MYT1L: variants seen among roughly 807,000 people sequenced by gnomAD.
MYT1L encodes the protein myelin transcription factor 1-like protein.
A neutral mutation model predicts 126.7 loss-of-function variants in MYT1L; 12 were observed. The observed-to-expected ratio is 0.09, with a 90% CI of 0.06 to 0.15. The LOEUF (loss-of-function observed/expected upper bound fraction) is 0.15, where lower values mean the gene tolerates loss of function less well. MYT1L is among the 10% of genes least tolerant of loss of function. The probability of loss-of-function intolerance (pLI) is 1.00; values close to 1 mark genes in which losing one functional copy is unlikely to be tolerated. For synonymous variants in MYT1L, 541 were observed against 604.2 expected, an observed-to-expected ratio of 0.90 and a Z score of 1.53; for missense variants, 979 against 1,585.2, an observed-to-expected ratio of 0.62 and a Z score of 6.49.
rs186447581 is a variant in MYT1L, at chr2:2,263,052, A to C, written c.-421+21352T>G. On this transcript the variant is annotated intron_variant, in intron 2 of 24. Coordinates refer to ENST00000647738, the MANE Select transcript of MYT1L (RefSeq NM_001303052.2). ...TCCCAAAAGGCAGGGCAAAAAACAC[A>C]AACAAAATTTCCAGATATAAAACAC... 2.3e-4 allele frequency among the ~76,000 whole-genome samples: 35 copies of C among 149,674 alleles called. No homozygotes were observed. In the East Asian group the frequency reaches 5.4e-3, roughly 23 times the overall value.
chr2:2,196,510 A>G (rs746654191), intron 2 of MYT1L, among the ~76,000 whole-genome samples: 1 of 151,434 alleles, frequency 6.6e-6, no homozygotes, highest in Non-Finnish European at 1.5e-5. Context: ...TAAAAATTAC[A>G]TTCAATATAT....
intron 21 of MYT1L, among the ~76,000 whole-genome samples, chr2:1,831,044 CTG>C (rs772204324): frequency 4.8e-4 from 73 of 152,356 alleles, no homozygotes; most frequent in Admixed American, 1.9e-3. Flanking sequence ...CTCCAATTCC[CTG>C]TGTGTCCTTG....
intron 3 of MYT1L, among the ~76,000 whole-genome samples, chr2:2,057,910 C>G (rs576210218): frequency 6.6e-6 from 1 of 152,276 alleles, no homozygotes; most frequent in African/African-American, 2.4e-5. Context: ...GATGTGTGTG[C>G]AGGTTTTACT....
chr2:1,920,484 C>T (rs1245409939), intron 10 of MYT1L, among the ~76,000 whole-genome samples: 1 of 152,162 alleles, frequency 6.6e-6, no homozygotes, highest in Non-Finnish European at 1.5e-5. Context: ...GATTTAGGAT[C>T]CGGGAGTCTA....
chr2:1,869,194 C>T (rs1366449169), intron 18 of MYT1L, among the ~76,000 whole-genome samples: 2 of 145,944 alleles, frequency 1.4e-5, no homozygotes, highest in Non-Finnish European at 3.0e-5. Context: ...AGAGACAAAG[C>T]ACACAGTCCC....
chr2:1,873,570 G>C (rs1052983264), intron 18 of MYT1L, among the ~76,000 whole-genome samples: 2 of 152,094 alleles, frequency 1.3e-5, no homozygotes, highest in Admixed American at 6.5e-5. Context: ...TAATAAGAAT[G>C]ACTGAGATTT....
At chr2:2,093,456 T>A (rs564490256) in intron 3 of MYT1L, among the ~76,000 whole-genome samples, 1 of 152,354 alleles carries the variant, frequency 6.6e-6, no homozygotes, top group South Asian at 2.1e-4. Flanking sequence ...ATGAGCATTT[T>A]TTCATGTGTC....
chr2:2,294,204 C>T (rs927193839), intron 1 of MYT1L, among the ~76,000 whole-genome samples: 1 of 152,212 alleles, frequency 6.6e-6, no homozygotes, highest in African/African-American at 2.4e-5. Context: ...GTTAGCGACT[C>T]ACGGGCGGTG....
At chr2:1,812,339 T>C (rs139851410) in intron 21 of MYT1L, among the ~76,000 whole-genome samples, 1 of 152,378 alleles carries the variant, frequency 6.6e-6, no homozygotes, top group Non-Finnish European at 1.5e-5. Flanking sequence ...AGAATGTGTA[T>C]TCTTGAGGGC....
At chr2:1,970,248 A>T (rs1467712936) in intron 8 of MYT1L, among the ~76,000 whole-genome samples, 1 of 152,162 alleles carries the variant, frequency 6.6e-6, no homozygotes, top group East Asian at 1.9e-4. Context: ...ACTGGTAATA[A>T]GAGCAGGTGG....
At chr2:2,304,270 G>A (rs1333694034) in intron 1 of MYT1L, among the ~76,000 whole-genome samples, 2 of 152,218 alleles carry the variant, frequency 1.3e-5, no homozygotes, top group Non-Finnish European at 2.9e-5. Context: ...GTTGGGTAAA[G>A]TAATAAATTC....
At chr2:2,330,694 T>C (rs1037296588) in intron 1 of MYT1L, among the ~76,000 whole-genome samples, 11 of 152,168 alleles carry the variant, frequency 7.2e-5, no homozygotes, top group Non-Finnish European at 1.6e-4. Context: ...CCAAACACCA[T>C]ACATGCACCC....
At chr2:1,812,488 G>A (rs2036821017) in intron 21 of MYT1L, among the ~76,000 whole-genome samples, 1 of 152,168 alleles carries the variant, frequency 6.6e-6, no homozygotes, top group Non-Finnish European at 1.5e-5. Flanking sequence ...AGTGAGTGGA[G>A]GCCCAGGGTG....
At chr2:2,271,619 C>T (rs773311941) in intron 2 of MYT1L, among the ~76,000 whole-genome samples, 1 of 152,194 alleles carries the variant, frequency 6.6e-6, no homozygotes, top group Non-Finnish European at 1.5e-5. Flanking sequence ...AGTGTTTAAA[C>T]AACAGAAATC....
chr2:2,312,257 C>T (rs562684187), intron 1 of MYT1L, among the ~76,000 whole-genome samples: 2 of 152,292 alleles, frequency 1.3e-5, no homozygotes, highest in South Asian at 4.1e-4. Context: ...GAGGTTGTTT[C>T]CTTTCCTTAG....
At chr2:1,920,414 A>C (rs1169251366) in intron 10 of MYT1L, among the ~76,000 whole-genome samples, 1 of 152,234 alleles carries the variant, frequency 6.6e-6, no homozygotes, top group African/African-American at 2.4e-5. Flanking sequence ...CAAAAAGCTC[A>C]ATCTGCCTTC....
chr2:1,867,126 C>T (rs962852041), intron 18 of MYT1L, among the ~76,000 whole-genome samples: 2 of 151,836 alleles, frequency 1.3e-5, no homozygotes, highest in Admixed American at 1.3e-4. Context: ...CAGAGTCTTG[C>T]TCACAGCAAG....
intron 2 of MYT1L, among the ~76,000 whole-genome samples, chr2:2,253,680 A>G (rs763539006): frequency 6.6e-6 from 1 of 152,100 alleles, no homozygotes; most frequent in Non-Finnish European, 1.5e-5. Context: ...GGGAAACAAG[A>G]AGCAGGGCAG....
intron 2 of MYT1L, among the ~76,000 whole-genome samples, chr2:2,236,814 C>CTTCTTCT (rs1559421527): frequency 8.5e-4 from 6 of 7,068 alleles, no homozygotes; most frequent in Non-Finnish European, 1.7e-3. Flanking sequence ...TCTTCTTCTT[C>CTTCTTCT]TTTTTTTTTT....
Sources: allele counts gnomAD v4.1 joint callset (sites outside exome capture counted in the v4.1 genomes callset), GRCh38; gene constraint gnomAD v4.1.1; transcripts MANE v1.5; gene names NCBI Gene and HGNC (gene_info 2026-07-23, HGNC 2026-07-21).